The following PPFIA2 variants were observed in gnomAD, a reference collection of about 807,000 sequenced individuals.
PPFIA2 encodes PPFI scaffold protein A2.
In PPFIA2, 46 loss-of-function variants were observed where a neutral mutation model predicts 175.5. That is an observed-to-expected ratio of 0.26 (90% CI 0.21 to 0.34). PPFIA2 has a LOEUF of 0.34. PPFIA2 is among the 10% of genes least tolerant of loss of function. The pLI, the probability that PPFIA2 is intolerant of heterozygous loss-of-function variation, is 1.00. For missense variants in PPFIA2, 1,179 were observed against 1,506.1 expected (o/e 0.78, Z 3.60); for synonymous variants, 568 against 511.4 (o/e 1.11, Z -1.49).
chr12:81,374,126 T>A (rs1255544312), intron 11 of PPFIA2, among the ~76,000 whole-genome samples: 1 of 152,072 alleles, frequency 6.6e-6, no homozygotes, highest in Non-Finnish European at 1.5e-5. Flanking sequence ...TTGATTTTAA[T>A]TTTCAGATGA....
Position 81,324,749 on chromosome 12 carries a change from T to C in PPFIA2, c.2642+1028A>G, listed in dbSNP as rs79455032. On this transcript the variant is annotated intron_variant, in intron 22 of 32. Transcript: ENST00000549396. ...GATTATGGCTGAGCATTTGATTGTATGGTAGAAATAATTATGTTCTCAAAG... is the reference window on the plus strand; with the variant it reads ...GATTATGGCTGAGCATTTGATTGTACGGTAGAAATAATTATGTTCTCAAAG... 1.6e-3 allele frequency among the ~76,000 whole-genome samples: 245 copies of C among 152,078 alleles called. 4 individuals are homozygous for C. The East Asian group carries it at 0.028, about 17-fold the overall frequency.
intron 27 of PPFIA2, among the ~76,000 whole-genome samples, chr12:81,278,325 G>A (rs1032546219): frequency 7.2e-5 from 11 of 152,052 alleles, no homozygotes; most frequent in Non-Finnish European, 1.5e-4. Flanking sequence ...GGTGGATCAC[G>A]TGGTCAGGAG....
intron 4 of PPFIA2, among the ~76,000 whole-genome samples, chr12:81,617,344 A>G (rs1346066717): frequency 6.6e-6 from 1 of 152,134 alleles, no homozygotes; most frequent in Non-Finnish European, 1.5e-5. Context: ...CCTTCAGTCT[A>G]GAGGAATGGT....
At chr12:81,624,970 T>G (rs981695337) in intron 4 of PPFIA2, among the ~76,000 whole-genome samples, 4 of 151,678 alleles carry the variant, frequency 2.6e-5, no homozygotes, top group South Asian at 2.1e-4. Flanking sequence ...CCCCAAAAAC[T>G]ATTGAAATAA....
chr12:81,293,770 C>T (rs2045680968), intron 24 of PPFIA2, among the ~76,000 whole-genome samples: 1 of 152,102 alleles, frequency 6.6e-6, no homozygotes, highest in South Asian at 2.1e-4. Flanking sequence ...GAGCATTCAA[C>T]TAAGTAATCT....
rs143834624 is a variant in PPFIA2 at position 81,541,026 on chromosome 12, T to C, written c.304-83160A>G. Among the ~76,000 whole-genome samples the C allele has an allele frequency of 5.5e-3, 842 of 152,238 alleles. 8 individuals are homozygous for C. Among genetic ancestry groups the C allele is most frequent in the African/African-American group, 0.019 (799 of 41,556 alleles). ...TATTCCCATGCAAATTCTTGCACATTATATACATAGGTAGATACTCATAAA... is the reference window on the plus strand; with the variant it reads ...TATTCCCATGCAAATTCTTGCACATCATATACATAGGTAGATACTCATAAA... On this transcript the variant is annotated intron_variant, in intron 4 of 32. Coordinates refer to ENST00000549396, the MANE Select transcript of PPFIA2 (RefSeq NM_003625.5).
chr12:81,403,508 T>A (rs1482333417), intron 8 of PPFIA2, among the ~76,000 whole-genome samples: 1 of 152,176 alleles, frequency 6.6e-6, no homozygotes, highest in Non-Finnish European at 1.5e-5. Flanking sequence ...GTTGTTAAAC[T>A]CTCTCTGTAA....
intron 11 of PPFIA2, among the ~76,000 whole-genome samples, chr12:81,373,557 A>G (rs558996860): frequency 6.6e-6 from 1 of 152,084 alleles, no homozygotes; most frequent in South Asian, 2.1e-4. Flanking sequence ...GTTTTATCCA[A>G]CTAGTTACTC....
intron 3 of PPFIA2, among the ~76,000 whole-genome samples, chr12:81,706,801 T>C (rs1278001281): frequency 6.6e-6 from 1 of 152,126 alleles, no homozygotes; most frequent in Non-Finnish European, 1.5e-5. Context: ...CAAAACAGCA[T>C]GGTACTGGTA....
chr12:81,357,758 A>T (rs1444801677), intron 16 of PPFIA2, among the ~76,000 whole-genome samples: 2 of 152,118 alleles, frequency 1.3e-5, no homozygotes, highest in Non-Finnish European at 2.9e-5. Context: ...CATAGGCCCA[A>T]GTTTTGACTC....
At chr12:81,331,688 C>T (rs570536346) in intron 21 of PPFIA2, among the ~76,000 whole-genome samples, 1 of 152,314 alleles carries the variant, frequency 6.6e-6, no homozygotes, top group Middle Eastern at 3.4e-3. Flanking sequence ...CATTTTTATA[C>T]ATGCAATTGG....
Position 81,642,758 on chromosome 12 carries a change from AC to A in PPFIA2, c.303+34032del, listed in dbSNP as rs1213001006. On this transcript the variant is annotated intron_variant, in intron 4 of 32. Coordinates refer to ENST00000549396, the MANE Select transcript of PPFIA2 (RefSeq NM_003625.5). ...ATATGTATGTATGTATTATATACAT[AC>A]ATGTATATGTATGTATGTATTATAT... Among the ~76,000 whole-genome samples, 26 of 83,002 alleles carry A rather than the reference AC, an allele frequency of 3.1e-4. 6 individuals are homozygous for A. The highest frequency in any genetic ancestry group is 6.2e-4 in the Non-Finnish European group (26 of 41,640). The allele number at this position is 83,002 out of a possible 152,430, so 54.5% of individuals were successfully genotyped here.
At chr12:81,649,952 C>T (rs1214004384) in intron 4 of PPFIA2, among the ~76,000 whole-genome samples, 1 of 151,974 alleles carries the variant, frequency 6.6e-6, no homozygotes, top group Non-Finnish European at 1.5e-5. Flanking sequence ...TATTGATTGT[C>T]ATGGTGATTA....
chr12:81,306,583 C>T (rs1436929041), intron 22 of PPFIA2, among the ~76,000 whole-genome samples: 2 of 142,734 alleles, frequency 1.4e-5, no homozygotes, highest in African/African-American at 5.2e-5. Flanking sequence ...CTCTGTCTTC[C>T]AGGCTGCAGT....
At chr12:81,685,560 T>C (rs957706796) in intron 3 of PPFIA2, among the ~76,000 whole-genome samples, 2 of 152,044 alleles carry the variant, frequency 1.3e-5, no homozygotes, top group Non-Finnish European at 1.5e-5. Flanking sequence ...GTACTCTTCA[T>C]GGGAGGACAC....
intron 22 of PPFIA2, among the ~76,000 whole-genome samples, chr12:81,312,581 T>A (rs1464807502): frequency 6.6e-6 from 1 of 152,176 alleles, no homozygotes; most frequent in Non-Finnish European, 1.5e-5. Flanking sequence ...TTATATAGCT[T>A]TATAAGCCTA....
chr12:81,518,526 C>T (rs193049647), intron 4 of PPFIA2, among the ~76,000 whole-genome samples: 3 of 152,140 alleles, frequency 2.0e-5, no homozygotes, highest in Non-Finnish European at 4.4e-5. Flanking sequence ...TACAACCCAT[C>T]ATGGTAAGCA....
chr12:81,567,344 C>A lies in PPFIA2; in HGVS notation c.303+109447G>T, dbSNP rs576321020. ...GATTACAGGCGTGATCCACTGCGCC[C>A]GGCCAGGAGAGACTTTCTAGACCCT... On this transcript the variant is annotated intron_variant, in intron 4 of 32. Transcript: ENST00000549396. Among the ~76,000 whole-genome samples, 4 of 152,246 alleles carry A rather than the reference C, an allele frequency of 2.6e-5. No individual in the cohort carries two copies. In the East Asian group the frequency reaches 7.7e-4, roughly 29 times the overall value.
chr12:81,630,969 T>C (rs1375175738), intron 4 of PPFIA2, among the ~76,000 whole-genome samples: 6 of 150,900 alleles, frequency 4.0e-5, no homozygotes, highest in African/African-American at 1.5e-4. Flanking sequence ...CAATCTCAGC[T>C]CACTACAACC....
Sources: allele counts gnomAD v4.1 joint callset (sites outside exome capture counted in the v4.1 genomes callset), GRCh38; gene constraint gnomAD v4.1.1; transcripts MANE v1.5; gene names NCBI Gene and HGNC (gene_info 2026-07-23, HGNC 2026-07-21).